Variants in PTP4A1 observed in about 807,000 individuals in gnomAD.
PTP4A1 encodes the protein protein tyrosine phosphatase 4A1, also known as protein tyrosine phosphatase type IVA 1.
Under a neutral mutation model 20.5 loss-of-function variants are expected in PTP4A1, and 9 were observed. The observed-to-expected ratio is 0.44, with a 90% confidence interval of 0.26 to 0.77. The LOEUF is 0.77. PTP4A1 is among the 30% of genes least tolerant of loss of function. The pLI is 0.19. For synonymous variants in PTP4A1, 78 were observed against 67.4 expected (o/e 1.16, Z -0.77); for missense variants, 137 against 218.8 (o/e 0.63, Z 2.36).
chr6:63,539,889 AT>A (rs2149482973), intron 2 of PTP4A1, among the ~76,000 whole-genome samples: 1 of 152,356 alleles, frequency 6.6e-6, no homozygotes, highest in African/African-American at 2.4e-5. Context: ...TTTTTAAAAA[AT>A]AATACAGTGA....
intron 2 of PTP4A1, among the ~76,000 whole-genome samples, chr6:63,548,449 T>C (rs990437816): frequency 6.6e-6 from 1 of 152,212 alleles, no homozygotes; most frequent in Non-Finnish European, 1.5e-5. Flanking sequence ...TATGTCCTTA[T>C]GCCACATTCC....
At chr6:63,547,592 G>A (rs1466423051) in intron 2 of PTP4A1, among the ~76,000 whole-genome samples, 2 of 140,958 alleles carry the variant, frequency 1.4e-5, no homozygotes, top group African/African-American at 5.3e-5. Context: ...TGCGAGCTCC[G>A]CCTCCCGGGT....
chr6:63,549,456 G>A lies in PTP4A1; in HGVS notation c.-639-844G>A, dbSNP rs1334770672. The A allele has an allele frequency of 2.9e-5, 23 of 794,164 alleles. 1 individual carries two copies. The highest frequency in any genetic ancestry group is 1.2e-4 in the South Asian group (9 of 72,542). 49.2% of individuals were successfully genotyped at this position (794,164 alleles called of 1,614,324 possible). A position where few individuals can be genotyped will look rare whatever the true frequency, so the allele number is the denominator to read the frequency against. ...CTTTCTTAACCTCCTGCTTCTTCAC[G>A]ACAGCAGGGCCGGAGCCACCTTCTT... On this transcript the variant is annotated intron_variant, in intron 2 of 3. Coordinates refer to the PTP4A1 transcript ENST00000639568.
intron 3 of PTP4A1, among the ~76,000 whole-genome samples, chr6:63,565,125 A>G (rs934743511): frequency 2.6e-5 from 4 of 151,574 alleles, no homozygotes; most frequent in African/African-American, 9.7e-5. Context: ...CAATCCTCCC[A>G]CCTCAACCTC....
In PTP4A1 at chr6:63,578,100, C is replaced by T. The variant is rs150703639; in HGVS notation, c.106-337C>T. On this transcript the variant is annotated intron_variant, in intron 2 of 5. Transcript: ENST00000626021. ...TTACCTTTGTCTGCATTGCTGCTAGCCCCTTTTGGTTAATGTTTCATCCCA... is the reference window on the plus strand; with the variant it reads ...TTACCTTTGTCTGCATTGCTGCTAGTCCCTTTTGGTTAATGTTTCATCCCA... Among the ~76,000 whole-genome samples, 351 of 152,154 alleles carry T rather than the reference C, an allele frequency of 2.3e-3. 2 individuals carry two copies. The highest frequency in any genetic ancestry group is 8.0e-3 in the African/African-American group (333 of 41,520).
chr6:63,559,667 C>G (rs1458915514), intron 3 of PTP4A1, among the ~76,000 whole-genome samples: 1 of 151,980 alleles, frequency 6.6e-6, no homozygotes, highest in Non-Finnish European at 1.5e-5. Context: ...ATCACTGGAA[C>G]CCAGGAAGCA....
chr6:63,529,738 T>C (rs1449913506), intron 2 of PTP4A1, among the ~76,000 whole-genome samples: 1 of 152,186 alleles, frequency 6.6e-6, no homozygotes, highest in East Asian at 1.9e-4. Context: ...ACACAGTTCA[T>C]CATCCTATCA....
At position 63,580,233 on chromosome 6, in the gene PTP4A1, C is replaced by A; in HGVS notation, c.*59C>A. ...TTGAGATAGGGCCTAATTTGTTATA[C>A]ATATTAGCCAACATGTTGGCTTAGT... On this transcript the variant is annotated 3_prime_UTR_variant, in exon 6 of 6. Transcript: ENST00000626021. The A allele has an allele frequency of 2.3e-6, 3 of 1,315,410 alleles. No homozygotes were observed. Among genetic ancestry groups the A allele is most frequent in the South Asian group, 1.2e-5 (1 of 84,488 alleles). 81.5% of individuals were successfully genotyped at this position (1,315,410 alleles called of 1,614,324 possible).
chr6:63,522,051 C>A (rs932755354), intron 1 of PTP4A1, among the ~76,000 whole-genome samples: 3 of 152,210 alleles, frequency 2.0e-5, no homozygotes, highest in Non-Finnish European at 4.4e-5. Context: ...TTCCCACAGG[C>A]TTTGCCAGAT....
intron 1 of PTP4A1, among the ~76,000 whole-genome samples, chr6:63,523,625 A>C (rs1442892020): frequency 6.6e-6 from 1 of 152,246 alleles, no homozygotes; most frequent in Admixed American, 6.5e-5. Flanking sequence ...GATCTAAGAC[A>C]TCTTATTTGC....
chr6:63,557,426 G>A (rs1776738824), intron 3 of PTP4A1, among the ~76,000 whole-genome samples: 1 of 151,958 alleles, frequency 6.6e-6, no homozygotes, highest in African/African-American at 2.4e-5. Flanking sequence ...ATTATCTGGT[G>A]TAGTGTGCGT....
chr6:63,552,095 C>A (rs1776474484), intron 3 of PTP4A1, among the ~76,000 whole-genome samples: 1 of 152,118 alleles, frequency 6.6e-6, no homozygotes, highest in Admixed American at 6.5e-5. Context: ...ATTTCTAGTT[C>A]TAGATCCCTG....
intron 3 of PTP4A1, 45 bp downstream of exon 3, chr6:63,578,574 A>T (rs369343225): frequency 2.5e-6 from 4 of 1,575,238 alleles, no homozygotes; most frequent in African/African-American, 2.8e-5. Context: ...CTGTGCTACA[A>T]AAGTTTATTC....
At chr6:63,528,528 C>T (rs183868125) in intron 2 of PTP4A1, among the ~76,000 whole-genome samples, 3 of 152,066 alleles carry the variant, frequency 2.0e-5, no homozygotes, top group Non-Finnish European at 2.9e-5. Context: ...TGTTCAAGGC[C>T]AGCCTGGGCA....
chr6:63,538,834 T>C (rs1223494881), intron 2 of PTP4A1, among the ~76,000 whole-genome samples: 2 of 152,170 alleles, frequency 1.3e-5, no homozygotes, highest in South Asian at 2.1e-4. Context: ...AGTTCTTTGG[T>C]GATGCTGATG....
chr6:63,525,879 G>C (rs567060233), intron 1 of PTP4A1, among the ~76,000 whole-genome samples: 1 of 152,168 alleles, frequency 6.6e-6, no homozygotes, highest in East Asian at 1.9e-4. Context: ...TGATACAAAT[G>C]TTAATATTTG....
intron 2 of PTP4A1, among the ~76,000 whole-genome samples, chr6:63,542,203 A>G (rs1776010758): frequency 6.6e-6 from 1 of 152,166 alleles, no homozygotes; most frequent in Admixed American, 6.5e-5. Flanking sequence ...GTTCTCACTC[A>G]TAAGTGGGAG....
chr6:63,550,607 T>A (rs1244131505), intron 3 of PTP4A1: 2 of 152,258 alleles, frequency 1.3e-5, no homozygotes, highest in Non-Finnish European at 2.9e-5. Context: ...ATAGTGATAT[T>A]TGTTTTTGGT....
chr6:63,555,001 T>A (rs1245189620), intron 3 of PTP4A1, among the ~76,000 whole-genome samples: 2 of 152,212 alleles, frequency 1.3e-5, no homozygotes, highest in Non-Finnish European at 2.9e-5. Flanking sequence ...GTGTGGTTTC[T>A]GATAACATGT....
Sources: gnomAD v4.1 joint callset for allele counts (sites outside exome capture counted in the v4.1 genomes callset) on GRCh38, gnomAD v4.1.1 for gene constraint, MANE v1.5 for transcripts, NCBI Gene and HGNC (gene_info 2026-07-23, HGNC 2026-07-21) for gene names.